Variants in CALCA observed in about 807,000 individuals in gnomAD.
The protein encoded by CALCA is calcitonin.
CALCA carries 4 observed loss-of-function variants against 6.9 expected under a neutral mutation model. The observed-to-expected ratio is 0.58, with a 90% CI of 0.29 to 1.33. CALCA has a LOEUF of 1.33. Among genes scored for constraint, CALCA ranks in the 40% most tolerant of loss-of-function variants. The pLI, the probability that CALCA is intolerant of heterozygous loss-of-function variation, is 0.09. For synonymous variants in CALCA, 78 were observed against 70.0 expected (o/e 1.11, Z -0.57); for missense variants, 174 against 178.3 (o/e 0.98, Z 0.14).
Position 14,968,812 on chromosome 11 carries a change from T to G in CALCA, c.413A>C (p.Gln138Pro), listed in dbSNP as rs13306224. ...AAAGGGAGGAGTTTAGTTGGCATTC[T>G]GGGGCATGCTAACATGAGGGCGATG... ...RDHRPHVSMPQNAN is the reference protein window; with the variant it reads ...RDHRPHVSMPPNAN Residue 138 changes from glutamine to proline, a missense_variant, in exon 4 of 4, where the codon CAG becomes CCG. Physicochemically the swap from Gln to Pro is moderately conservative, Grantham distance 76. Transcript: ENST00000331587. The G allele has an allele frequency of 4.6e-5, 75 of 1,614,164 alleles. No homozygotes were observed. The East Asian group carries it at 1.6e-3, about 35-fold the overall frequency.
In CALCA at chr11:14,968,615, C is replaced by G; in HGVS notation, c.*184G>C. On this transcript the variant is annotated 3_prime_UTR_variant, in exon 4 of 4. Transcript: ENST00000331587. ...GCGGCCCTCATTTTCTGGTATTTTC[C>G]CAGGTGATTCTCTTCCAACCTGTGA... is the stretch of plus-strand genomic sequence containing the variant. 6.6e-7 allele frequency: 1 copy of G among 1,513,574 alleles called. No homozygotes were observed. Among genetic ancestry groups the G allele is most frequent in the African/African-American group, 1.4e-5 (1 of 72,266 alleles). 93.8% of individuals were successfully genotyped at this position (1,513,574 alleles called of 1,614,324 possible). A position where few individuals can be genotyped will look rare whatever the true frequency, so the allele number is the denominator to read the frequency against.
Position 14,968,900 on chromosome 11 carries a change from T to C in CALCA, c.325A>G (p.Thr109Ala). ...DFNKFHTFPQTAIGVGAPGKK... is the reference protein window; with the variant it reads ...DFNKFHTFPQAAIGVGAPGKK... ...CCAGGTGCTCCAACCCCAATTGCAG[T>C]TTGGGGGAACGTGTGAAACTTGTTG... Residue 109 changes from threonine (T) to alanine (A), a missense_variant, in exon 4 of 4, where the codon ACT (threonine) becomes GCT (alanine). Transcript: ENST00000331587. 6.2e-7 allele frequency: 1 copy of C among 1,613,940 alleles called. No homozygotes were observed. Among genetic ancestry groups the C allele is most frequent in the Non-Finnish European group, 8.5e-7 (1 of 1,179,926 alleles).
chr11:14,972,068 T>C (rs1180635445), intron 1 of CALCA, among the ~76,000 whole-genome samples, 177 bp downstream of exon 1: 1 of 151,848 alleles, frequency 6.6e-6, no homozygotes, highest in Non-Finnish European at 1.5e-5. Flanking sequence ...AGCCGGGGGA[T>C]TGAGACTGTC....
At chr11:14,971,488 C>T (rs1349193820) in intron 1 of CALCA, among the ~76,000 whole-genome samples, 3 of 152,048 alleles carry the variant, frequency 2.0e-5, no homozygotes, top group African/African-American at 7.2e-5. Context: ...CAAAGCCACA[C>T]AGATACATAT....
chr11:14,970,590 C>T (rs967303655), intron 2 of CALCA, among the ~76,000 whole-genome samples: 1 of 152,098 alleles, frequency 6.6e-6, no homozygotes, highest in Non-Finnish European at 1.5e-5. Context: ...TTTTGTGAGA[C>T]TCAGTGGGCT....
Position 14,968,953 on chromosome 11 carries a change from C to G in CALCA, c.272G>C (p.Cys91Ser). The G allele has an allele frequency of 6.2e-7, 1 of 1,613,918 alleles. No individual in the cohort carries two copies. Among genetic ancestry groups the G allele is most frequent in the Non-Finnish European group, 8.5e-7 (1 of 1,180,020 alleles). ...GTCCTGCGTGTATGTGCCCAGCATGCAAGTACTCAGATTACCGCACCGCTT... is the reference window on the plus strand; with the variant it reads ...GTCCTGCGTGTATGTGCCCAGCATGGAAGTACTCAGATTACCGCACCGCTT... ...RSKRCGNLST[C>S]MLGTYTQDFN... Residue 91 changes from cysteine (C) to serine (S), a missense_variant, in exon 4 of 4, where the codon TGC (cysteine) becomes TCC (serine). Coordinates refer to ENST00000331587, the MANE Select transcript of CALCA (RefSeq NM_001741.3).
downstream of CALCA, chr11:14,968,465 A>C (rs1849508118): frequency 9.0e-6 from 11 of 1,226,460 alleles, no homozygotes; most frequent in Non-Finnish European, 1.1e-5. Flanking sequence ...GAAGCCTGGG[A>C]CATAGATCAG....
In CALCA at chr11:14,968,891, C is replaced by G; in HGVS notation, c.334G>C (p.Gly112Arg). 1 of 1,614,128 alleles carries G rather than the reference C, an allele frequency of 6.2e-7. No individual in the cohort carries two copies. The highest frequency in any genetic ancestry group is 8.5e-7 in the Non-Finnish European group (1 of 1,180,030). The change falls in exon 4 of 4, where the codon GGG becomes CGG. Residue 112 changes from glycine (G) to arginine (R), a missense_variant. Transcript: ENST00000331587. ...CTTTTCTTTCCAGGTGCTCCAACCC[C>G]AATTGCAGTTTGGGGGAACGTGTGA... is the stretch of plus-strand genomic sequence containing the variant. ...KFHTFPQTAI[G>R]VGAPGKKRDM...
downstream of CALCA, chr11:14,968,307 T>TTTTTAA: frequency 2.5e-6 from 1 of 403,192 alleles, no homozygotes; most frequent in African/African-American, 2.1e-5. Context: ...GGAGCGGAGT[T>TTTTTAA]TGCAGCATCA....
chr11:14,968,000 G>A (rs1422317156), downstream of CALCA: 7 of 939,914 alleles, frequency 7.4e-6, no homozygotes, highest in Non-Finnish European at 1.2e-5. Flanking sequence ...AATTATCAGA[G>A]CAGAAAATCA....
downstream of CALCA, chr11:14,967,962 A>G (rs1358375319): frequency 1.2e-5 from 16 of 1,291,276 alleles, no homozygotes; most frequent in Non-Finnish European, 1.7e-5. Flanking sequence ...AAAGGCACCA[A>G]TTAACTTTAA....
Position 14,970,038 on chromosome 11 carries a change from G to A in CALCA, c.124C>T (p.Leu42Phe), listed in dbSNP as rs782336914. 2.1e-5 allele frequency: 34 copies of A among 1,614,116 alleles called. No homozygotes were observed. The highest frequency in any genetic ancestry group is 2.8e-5 in the Non-Finnish European group (33 of 1,180,048). Residue 42 changes from leucine to phenylalanine, a missense_variant, in exon 3 of 4, where the codon CTC (leucine) becomes TTC (phenylalanine). Physicochemically the swap from Leu to Phe is conservative, Grantham distance 22. Transcript: ENST00000331587. ...AGGAGGCGCGCTTCGTCCTCACTGA[G>A]CGTGGCCGGGTCTGCTGGGCTGCTC... ...LESSPADPAT[L>F]SEDEARLLLA...
rs1849509349 is a variant in CALCA, at chr11:14,968,504, G to A, written c.*295C>T. Reference sequence around the variant, plus strand: ...AATGACCACCACAGCTCAGATCTTTGGGGAAAAATAATTTTATTCCTCAAA... The same window carrying A: ...AATGACCACCACAGCTCAGATCTTTAGGGAAAAATAATTTTATTCCTCAAA... On this transcript the variant is annotated 3_prime_UTR_variant, in exon 4 of 4. Transcript: ENST00000331587. 1 of 1,280,796 alleles carries A rather than the reference G, an allele frequency of 7.8e-7. No homozygotes were observed. The highest frequency in any genetic ancestry group is 1.5e-5 in the African/African-American group (1 of 65,792). The allele number at this position is 1,280,796 out of a possible 1,614,324, so 79.3% of individuals were successfully genotyped here. A position where few individuals can be genotyped will look rare whatever the true frequency, so the allele number is the denominator to read the frequency against.
In CALCA at chr11:14,972,262, G is replaced by T; in HGVS notation, c.-27C>A. ...GGGCTCACCTGGCGGGAGGTGGCTT[G>T]GATCAGAGGCGGTGGCAGCGGCGGC... On this transcript the variant is annotated 5_prime_UTR_variant, in exon 1 of 4. Coordinates refer to ENST00000331587, the MANE Select transcript of CALCA (RefSeq NM_001741.3). 1 of 154,686 alleles carries T rather than the reference G, an allele frequency of 6.5e-6. No individual in the cohort carries two copies. Among genetic ancestry groups the T allele is most frequent in the South Asian group, 1.8e-4 (1 of 5,686 alleles). The allele number at this position is 154,686 out of a possible 1,614,324, so 9.6% of individuals were successfully genotyped here.
intron 3 of CALCA, among the ~76,000 whole-genome samples, 179 bp downstream of exon 3, chr11:14,969,756 A>G (rs113859246): frequency 1.3e-5 from 2 of 152,314 alleles, no homozygotes; most frequent in East Asian, 1.9e-4. Context: ...CGGTACCTCC[A>G]GCTGCAGTGG....
At chr11:14,969,895 G>T (rs782206473) in intron 3 of CALCA, 40 bp downstream of exon 3, 3 of 1,612,132 alleles carry the variant, frequency 1.9e-6, no homozygotes, top group Non-Finnish European at 2.5e-6. Context: ...GTATGCTGCG[G>T]GGAGAGGAGG....
chr11:14,967,837 C>G (rs1176455749), downstream of CALCA: 1 of 1,614,108 alleles, frequency 6.2e-7, no homozygotes, highest in African/African-American at 1.3e-5. Flanking sequence ...GTCACAGGCT[C>G]TCTTCTGGGC....
downstream of CALCA, chr11:14,968,496 A>G (rs1849509279): frequency 7.9e-7 from 1 of 1,264,338 alleles, no homozygotes; most frequent in Admixed American, 3.4e-5. Context: ...ACCACAGCTC[A>G]GATCTTTGGG....
chr11:14,968,513 T>C lies in CALCA; in HGVS notation c.*286A>G. ...CACAGCTCAGATCTTTGGGGAAAAA[T>C]AATTTTATTCCTCAAATGATCAGCA... On this transcript the variant is annotated 3_prime_UTR_variant, in exon 4 of 4. Transcript: ENST00000331587. 1 of 1,303,102 alleles carries C rather than the reference T, an allele frequency of 7.7e-7. No individual in the cohort carries two copies. Among genetic ancestry groups the C allele is most frequent in the South Asian group, 1.5e-5 (1 of 64,630 alleles). The allele number at this position is 1,303,102 out of a possible 1,614,324, so 80.7% of individuals were successfully genotyped here.
Sources: gnomAD v4.1 joint callset for allele counts (sites outside exome capture counted in the v4.1 genomes callset) on GRCh38, gnomAD v4.1.1 for gene constraint, MANE v1.5 for transcripts, NCBI Gene and HGNC (gene_info 2026-07-23, HGNC 2026-07-21) for gene names.